ZNF253: variants seen among roughly 807,000 people sequenced by gnomAD.
ZNF253 encodes the protein zinc finger protein 253, also known as DNA-binding protein.
In ZNF253, 8 loss-of-function variants were observed where a neutral mutation model predicts 11.9. That is an observed-to-expected ratio of 0.67 (90% confidence interval 0.40 to 1.22). The LOEUF is 1.22. Among genes scored for constraint, ZNF253 ranks in the 50% most tolerant of loss-of-function variants. ZNF253 has a pLI of 0.01. For missense variants in ZNF253, 485 were observed against 586.9 expected, an observed-to-expected ratio of 0.83 and a Z score of 1.79; for synonymous variants, 194 against 194.9, an observed-to-expected ratio of 1.00 and a Z score of 0.04.
intron 1 of ZNF253, among the ~76,000 whole-genome samples, chr19:19,870,433 T>G (rs1292862997): frequency 6.6e-6 from 1 of 152,042 alleles, no homozygotes; most frequent in Non-Finnish European, 1.5e-5. Context: ...ACCTGTTCAT[T>G]AAAATTATTC....
At chr19:19,872,887 C>T (rs2063140662) in intron 1 of ZNF253, among the ~76,000 whole-genome samples, 2 of 151,878 alleles carry the variant, frequency 1.3e-5, no homozygotes, top group African/African-American at 4.8e-5. Context: ...TGATTGTATT[C>T]CACTTGCTGT....
chr19:19,885,092 T>A lies in ZNF253; in HGVS notation c.226+4946T>A, dbSNP rs142370132. ...AGGGACGTTGTCACTCCTGAAATTT[T>A]TTTCTTTCAGAAATTTTGAAGTATA... On this transcript the variant is annotated intron_variant, in intron 3 of 3. Coordinates refer to ENST00000589717, the MANE Select transcript of ZNF253 (RefSeq NM_021047.3). 2.4e-3 allele frequency among the ~76,000 whole-genome samples: 364 copies of A among 152,276 alleles called. 4 individuals carry two copies. Among genetic ancestry groups the A allele is most frequent in the Middle Eastern group, 0.01 (3 of 294 alleles).
intron 3 of ZNF253, among the ~76,000 whole-genome samples, chr19:19,890,126 T>C (rs2063222434): frequency 6.6e-6 from 1 of 152,224 alleles, no homozygotes; most frequent in Non-Finnish European, 1.5e-5. Context: ...TTTGTCCTTG[T>C]GTAGTCTGAA....
At chr19:19,890,541 T>TGTGTGA (rs1207129318) in intron 3 of ZNF253, among the ~76,000 whole-genome samples, 161 of 148,440 alleles carry the variant, frequency 1.1e-3, no homozygotes, top group African/African-American at 3.8e-3. Flanking sequence ...TGTGTGTGTG[T>TGTGTGA]GACAGAGTCT....
At chr19:19,880,419 C>T (rs559731725) in intron 3 of ZNF253, among the ~76,000 whole-genome samples, 3 of 151,864 alleles carry the variant, frequency 2.0e-5, no homozygotes, top group South Asian at 4.2e-4. Context: ...TAAAAGGCTG[C>T]GCGGGCTAGG....
rs1353112993 is a variant in ZNF253 at position 19,894,528 on chromosome 19, C to T, written c.*1781C>T. ...AAGGTGGGGGTTCATGTTCTCATTT[C>T]TATAATCCTAGCCAATGACTTAATG... On this transcript the variant is annotated 3_prime_UTR_variant, in exon 4 of 4. Transcript: ENST00000589717. 6.6e-6 allele frequency: 1 copy of T among 152,134 alleles called. No homozygotes were observed. Among genetic ancestry groups the T allele is most frequent in the Admixed American group, 6.5e-5 (1 of 15,280 alleles). 9.4% of individuals were successfully genotyped at this position (152,134 alleles called of 1,614,324 possible). A position where few individuals can be genotyped will look rare whatever the true frequency, so the allele number is the denominator to read the frequency against.
In ZNF253 at chr19:19,892,773, A is replaced by C; in HGVS notation, c.*26A>C. ...TTCATACTGGAGAGAAACCCTATGAATGTGATGAATGTGGGAAAGCCTTTA... is the reference window on the plus strand; with the variant it reads ...TTCATACTGGAGAGAAACCCTATGACTGTGATGAATGTGGGAAAGCCTTTA... On this transcript the variant is annotated 3_prime_UTR_variant, in exon 4 of 4. Transcript: ENST00000589717. 6.5e-7 allele frequency: 1 copy of C among 1,549,154 alleles called. No individual in the cohort carries two copies. Among genetic ancestry groups the C allele is most frequent in the Non-Finnish European group, 8.7e-7 (1 of 1,151,482 alleles).
intron 1 of ZNF253, among the ~76,000 whole-genome samples, chr19:19,868,443 A>C (rs1057107773): frequency 6.6e-6 from 1 of 152,142 alleles, no homozygotes; most frequent in Admixed American, 6.5e-5. Context: ...CATTTATTAA[A>C]TGGAGAATTC....
intron 1 of ZNF253, among the ~76,000 whole-genome samples, chr19:19,878,074 A>T (rs1336433788): frequency 1.1e-5 from 1 of 93,366 alleles, no homozygotes; most frequent in Non-Finnish European, 2.3e-5. Flanking sequence ...CTTCCGGAAT[A>T]AAAAAAAACC....
At chr19:19,886,221 G>A (rs1445019566) in intron 3 of ZNF253, among the ~76,000 whole-genome samples, 1 of 152,130 alleles carries the variant, frequency 6.6e-6, no homozygotes, top group Non-Finnish European at 1.5e-5. Flanking sequence ...TCAAACTTTT[G>A]GCCCCAGGGG....
At chr19:19,885,721 GTTTAT>G (rs941691012) in intron 3 of ZNF253, among the ~76,000 whole-genome samples, 2 of 152,016 alleles carry the variant, frequency 1.3e-5, no homozygotes, top group African/African-American at 4.8e-5. Flanking sequence ...ATATTTGTTA[GTTTAT>G]TTTGTCTAAG....
In ZNF253 at chr19:19,884,945, A is replaced by G. The variant is rs183214330; in HGVS notation, c.226+4799A>G. ...TTCCAATTTTGTGTATTTTTTTGAG[A>G]AAAATTTGTCCATTTCTAAATCAAG... On this transcript the variant is annotated intron_variant, in intron 3 of 3. Transcript: ENST00000589717. 2.1e-3 allele frequency among the ~76,000 whole-genome samples: 323 copies of G among 152,280 alleles called. 3 individuals are homozygous for G. The highest frequency in any genetic ancestry group is 7.4e-3 in the African/African-American group (306 of 41,570).
chr19:19,875,905 C>T (rs1206200190), intron 1 of ZNF253, among the ~76,000 whole-genome samples: 2 of 152,178 alleles, frequency 1.3e-5, no homozygotes, highest in Non-Finnish European at 1.5e-5. Context: ...CAGCACAGTG[C>T]TCTGTATCAT....
rs574229416 is a variant in ZNF253, at chr19:19,876,961, A to G, written c.4-1520A>G. 1.3e-4 allele frequency among the ~76,000 whole-genome samples: 20 copies of G among 152,292 alleles called. No individual in the cohort carries two copies. In the South Asian group the frequency reaches 2.1e-3, roughly 16 times the overall value. ...TTATATGCCATGCAGGATTCTCAGC[A>G]AGACTTTATAATCTGCAATATTAAA... On this transcript the variant is annotated intron_variant, in intron 1 of 3. Transcript: ENST00000589717.
chr19:19,887,231 G>A (rs536099040), intron 3 of ZNF253, among the ~76,000 whole-genome samples: 13 of 151,430 alleles, frequency 8.6e-5, no homozygotes, highest in Non-Finnish European at 1.6e-4. Flanking sequence ...TCTCTTGTAG[G>A]CAGCGTACTG....
chr19:19,869,686 T>A (rs1034157609), intron 1 of ZNF253, among the ~76,000 whole-genome samples: 34 of 106,302 alleles, frequency 3.2e-4, no homozygotes, highest in African/African-American at 9.3e-4. Context: ...TTTTTTTTTT[T>A]TAAAAAACAG....
At position 19,894,356 on chromosome 19, in the gene ZNF253, C is replaced by T. The variant is rs908754136; in HGVS notation, c.*1609C>T. On this transcript the variant is annotated 3_prime_UTR_variant, in exon 4 of 4. Coordinates refer to ENST00000589717, the MANE Select transcript of ZNF253 (RefSeq NM_021047.3). ...GAAAGCATGTGATCAATTGTTGCTGCATTAGAGATATTAGAGATTGTTTTT... is the reference window on the plus strand; with the variant it reads ...GAAAGCATGTGATCAATTGTTGCTGTATTAGAGATATTAGAGATTGTTTTT... The T allele has an allele frequency of 6.6e-6, 1 of 152,114 alleles. No homozygotes were observed. The highest frequency in any genetic ancestry group is 6.5e-5 in the Admixed American group (1 of 15,272). The allele number at this position is 152,114 out of a possible 1,614,324, so 9.4% of individuals were successfully genotyped here.
intron 1 of ZNF253, 66 bp downstream of exon 1, chr19:19,866,065 G>A (rs1599547229): frequency 6.2e-7 from 1 of 1,606,940 alleles, no homozygotes; most frequent in East Asian, 2.2e-5. Context: ...AAGTGGCTCT[G>A]GCGGGACTCT....
At chr19:19,882,241 A>G (rs1385155092) in intron 3 of ZNF253, among the ~76,000 whole-genome samples, 1 of 152,072 alleles carries the variant, frequency 6.6e-6, no homozygotes, top group Admixed American at 6.6e-5. Flanking sequence ...GGCACAATAT[A>G]GTTTTGTATT....
Sources: gnomAD v4.1 joint callset for allele counts (sites outside exome capture counted in the v4.1 genomes callset) on GRCh38, gnomAD v4.1.1 for gene constraint, MANE v1.5 for transcripts, NCBI Gene and HGNC (gene_info 2026-07-23, HGNC 2026-07-21) for gene names.